Variants in LYPLAL1 observed in about 807,000 individuals in gnomAD.
The protein encoded by LYPLAL1 is lysophospholipase-like protein 1.
LYPLAL1 carries 23 observed loss-of-function variants against 19.7 expected under a neutral mutation model. The ratio of observed to expected loss-of-function variants is 1.17; its 90% CI spans 0.84 to 1.65. The LOEUF is 1.65. LYPLAL1 is among the 40% of genes most tolerant of loss of function. The probability of loss-of-function intolerance (pLI) is 0.00; values close to 1 mark genes in which losing one functional copy is unlikely to be tolerated. For synonymous variants in LYPLAL1, 119 were observed against 96.3 expected, an observed-to-expected ratio of 1.24 and a Z score of -1.38; for missense variants, 355 against 279.4, an observed-to-expected ratio of 1.27 and a Z score of -1.93.
chr1:219,262,121 C>T, the LYPLAL1 span, among the ~76,000 whole-genome samples: 1 of 151,974 alleles, frequency 6.6e-6, no homozygotes, highest in African/African-American at 2.4e-5. Flanking sequence ...GTTCTTTCTT[C>T]TACTTGTTCT....
the LYPLAL1 span, among the ~76,000 whole-genome samples, chr1:219,233,995 T>G: frequency 6.6e-6 from 1 of 151,838 alleles, no homozygotes; most frequent in African/African-American, 2.4e-5. Flanking sequence ...GGAGGAGAAG[T>G]AAAGAAAACA....
At chr1:219,229,325 G>GAGAGAGAGAGAGAGAGAC in the LYPLAL1 span, among the ~76,000 whole-genome samples, 30 of 107,738 alleles carry the variant, frequency 2.8e-4, no homozygotes, top group African/African-American at 8.8e-4. Context: ...GAGAGAGAGA[G>GAGAGAGAGAGAGAGAGAC]AGAGAGAGAG....
chr1:219,365,844 T>C, the LYPLAL1 span, among the ~76,000 whole-genome samples: 162 of 152,270 alleles, frequency 1.1e-3, no homozygotes, highest in Middle Eastern at 3.4e-3. Flanking sequence ...ATGGCTTCTC[T>C]GGGAGCCTCA....
chr1:219,231,326 G>A, the LYPLAL1 span, among the ~76,000 whole-genome samples: 2 of 152,148 alleles, frequency 1.3e-5, no homozygotes, highest in South Asian at 4.1e-4. Flanking sequence ...GGAAATAACT[G>A]TCCTAAACTG....
At chr1:219,287,557 A>G in the LYPLAL1 span, among the ~76,000 whole-genome samples, 2 of 152,202 alleles carry the variant, frequency 1.3e-5, no homozygotes, top group African/African-American at 2.4e-5. Context: ...ATCTATGAGA[A>G]TGGCCCAAAT....
At chr1:219,435,100 CATG>C in the LYPLAL1 span, 1 of 152,224 alleles carries the variant, frequency 6.6e-6, no homozygotes, top group East Asian at 1.9e-4. Context: ...TCATTGATGT[CATG>C]GTGATCACAA....
the LYPLAL1 span, among the ~76,000 whole-genome samples, chr1:219,269,984 CTTGA>C: frequency 6.6e-6 from 1 of 152,154 alleles, no homozygotes; most frequent in Non-Finnish European, 1.5e-5. Flanking sequence ...GGCTATAATA[CTTGA>C]TTGAGAGTTC....
the LYPLAL1 span, among the ~76,000 whole-genome samples, chr1:219,297,913 TC>T: frequency 6.6e-6 from 1 of 152,160 alleles, no homozygotes; most frequent in Admixed American, 6.5e-5. Flanking sequence ...ACTACCTTAC[TC>T]CCCTTAACAA....
chr1:219,319,029 T>C, the LYPLAL1 span, among the ~76,000 whole-genome samples: 1 of 152,236 alleles, frequency 6.6e-6, no homozygotes, highest in Non-Finnish European at 1.5e-5. Context: ...TATCTTTTTT[T>C]TCAGGCAGGG....
At chr1:219,404,117 G>A in the LYPLAL1 span, among the ~76,000 whole-genome samples, 17 of 151,678 alleles carry the variant, frequency 1.1e-4, no homozygotes, top group Admixed American at 9.9e-4. Flanking sequence ...AGAGAGAAGA[G>A]AGAAAAGAGA....
chr1:219,404,986 GA>G, the LYPLAL1 span, among the ~76,000 whole-genome samples: 5 of 152,084 alleles, frequency 3.3e-5, no homozygotes, highest in African/African-American at 7.2e-5. Context: ...CATCAAACTG[GA>G]AAAAAATGCA....
At chr1:219,253,997 T>C in the LYPLAL1 span, among the ~76,000 whole-genome samples, 4 of 152,112 alleles carry the variant, frequency 2.6e-5, no homozygotes, top group Non-Finnish European at 5.9e-5. Flanking sequence ...GATAGTTGAC[T>C]CTTCTTGCTG....
chr1:219,288,818 T>TA, the LYPLAL1 span, among the ~76,000 whole-genome samples: 78 of 136,144 alleles, frequency 5.7e-4, no homozygotes, highest in Non-Finnish European at 1.0e-3. Flanking sequence ...AAACTGCTCT[T>TA]AAAAAACTTG....
chr1:219,254,122 A>G, the LYPLAL1 span, among the ~76,000 whole-genome samples: 3 of 151,746 alleles, frequency 2.0e-5, no homozygotes, highest in South Asian at 2.1e-4. Flanking sequence ...TCTGTTTTAC[A>G]TTTGCTTGGT....
the LYPLAL1 span, among the ~76,000 whole-genome samples, chr1:219,230,841 C>G: frequency 4.6e-5 from 7 of 152,132 alleles, no homozygotes; most frequent in Non-Finnish European, 1.0e-4. Context: ...TACTAGCCAC[C>G]GTTCTAGCCC....
chr1:219,275,408 A>T, the LYPLAL1 span, among the ~76,000 whole-genome samples: 2 of 152,210 alleles, frequency 1.3e-5, no homozygotes, highest in Non-Finnish European at 2.9e-5. Context: ...AGACATGATG[A>T]TTAACTAAAT....
chr1:219,348,589 G>A, the LYPLAL1 span, among the ~76,000 whole-genome samples: 6 of 151,880 alleles, frequency 4.0e-5, no homozygotes, highest in East Asian at 3.9e-4. Context: ...TGATATACTC[G>A]ACTAATTTGA....
At chr1:219,416,564 C>A in the LYPLAL1 span, among the ~76,000 whole-genome samples, 1 of 152,100 alleles carries the variant, frequency 6.6e-6, no homozygotes, top group South Asian at 2.1e-4. Context: ...GGGCTTTTTG[C>A]AACTCTATTT....
intron 2 of LYPLAL1, among the ~76,000 whole-genome samples, chr1:219,189,252 A>T (rs1249771491): frequency 6.6e-6 from 1 of 151,744 alleles, no homozygotes; most frequent in African/African-American, 2.4e-5. Flanking sequence ...AAATAAACAC[A>T]GAAATAGCAG....
Sources: allele counts gnomAD v4.1 joint callset (sites outside exome capture counted in the v4.1 genomes callset), GRCh38; gene constraint gnomAD v4.1.1; transcripts MANE v1.5; gene names NCBI Gene and HGNC (gene_info 2026-07-23, HGNC 2026-07-21).